VASP: variants seen among roughly 807,000 people sequenced by gnomAD.
VASP encodes vasodilator stimulated phosphoprotein, also known as vasodilator-stimulated phosphoprotein.
A neutral mutation model predicts 54.4 loss-of-function variants in VASP; 27 were observed. The observed-to-expected ratio is 0.50, with a 90% CI of 0.37 to 0.68. The LOEUF is 0.68. VASP is among the 30% of genes least tolerant of loss of function. The pLI is 0.00. For missense variants in VASP, 488 were observed against 528.3 expected (o/e 0.92, Z 0.75); for synonymous variants, 233 against 209.8 (o/e 1.11, Z -0.96).
chr19:45,517,535 C>T, intron 1 of VASP, 128 bp from the exon 2 acceptor site: 2 of 1,184,974 alleles, frequency 1.7e-6, no homozygotes, highest in South Asian at 2.9e-5. Flanking sequence ...TCCTTCTGTC[C>T]ACGTGGCTCC....
At chr19:45,510,272 G>A (rs1337023121) in intron 1 of VASP, among the ~76,000 whole-genome samples, 1 of 152,068 alleles carries the variant, frequency 6.6e-6, no homozygotes, top group African/African-American at 2.4e-5. Flanking sequence ...TGTTGCCCAG[G>A]CTGTTGTGAA....
intron 1 of VASP, among the ~76,000 whole-genome samples, chr19:45,514,688 G>A (rs995960387): frequency 2.0e-5 from 3 of 152,218 alleles, no homozygotes; most frequent in Non-Finnish European, 4.4e-5. Flanking sequence ...GGGCGGGGCA[G>A]CAGCAGCCCC....
At chr19:45,525,515 A>C (rs903229214) in intron 11 of VASP, among the ~76,000 whole-genome samples, 1 of 152,182 alleles carries the variant, frequency 6.6e-6, no homozygotes, top group Non-Finnish European at 1.5e-5. Flanking sequence ...CCTGGCCAAC[A>C]TGGCGAAACC....
At chr19:45,508,239 G>A (rs1214829848) in intron 1 of VASP, among the ~76,000 whole-genome samples, 1 of 152,166 alleles carries the variant, frequency 6.6e-6, no homozygotes, top group Admixed American at 6.5e-5. Flanking sequence ...CAGGTCCCCC[G>A]TTTACTTGGT....
rs144688496 is a variant in VASP, at chr19:45,511,056, C to T, written c.5+3280C>T. Among the ~76,000 whole-genome samples the T allele has an allele frequency of 4.0e-4, 61 of 151,848 alleles. No individual in the cohort carries two copies. The East Asian group carries it at 0.011, about 27-fold the overall frequency. The stretch of plus-strand genomic sequence containing the variant: ...ATAATTCAGATAAGCCAAATGAAAC[C>T]GAAGCTGCAACATTTATCTTCCTAT... On this transcript the variant is annotated intron_variant, in intron 1 of 12. Transcript: ENST00000245932.
chr19:45,514,073 T>A (rs967381004), intron 1 of VASP, among the ~76,000 whole-genome samples: 3 of 152,058 alleles, frequency 2.0e-5, no homozygotes, highest in Non-Finnish European at 4.4e-5. Flanking sequence ...CGTTTCCAGC[T>A]AAGGGAGTGA....
At chr19:45,519,100 C>T (rs973460999) in intron 3 of VASP, among the ~76,000 whole-genome samples, 1 of 152,184 alleles carries the variant, frequency 6.6e-6, no homozygotes, top group African/African-American at 2.4e-5. Context: ...CTGCAACCTC[C>T]GCCTCCCGGG....
chr19:45,514,905 C>T (rs1301214337), intron 1 of VASP, among the ~76,000 whole-genome samples: 1 of 152,194 alleles, frequency 6.6e-6, no homozygotes, highest in Non-Finnish European at 1.5e-5. Flanking sequence ...TCACTCTATT[C>T]CTCAGTAGCT....
In VASP at chr19:45,522,554, TGGAGCCAAACTCA is replaced by T; in HGVS notation, c.697_709del (p.Ala233LysfsTer31). 1 of 1,460,180 alleles carries T rather than the reference TGGAGCCAAACTCA, an allele frequency of 6.8e-7. No individual in the cohort carries two copies. Among genetic ancestry groups the T allele is most frequent in the Non-Finnish European group, 9.0e-7 (1 of 1,111,970 alleles). The allele number at this position is 1,460,180 out of a possible 1,614,324, so 90.5% of individuals were successfully genotyped here. On this transcript the variant is annotated frameshift_variant, in exon 6 of 13. Coordinates refer to ENST00000245932, the MANE Select transcript of VASP (RefSeq NM_003370.4). LOFTEE classifies it high-confidence loss of function. ...CCCCAGGCCTGGCCGCAGCTATTGC[TGGAGCCAAACTCA>T]GGAAAGTCAGCAAGGTGAGGGGCCG...
rs57892194 is a variant in VASP, at chr19:45,519,894, C to CTTTTTTT, written c.344-1406_344-1400dup. On this transcript the variant is annotated intron_variant, in intron 3 of 12. Transcript: ENST00000245932. Reference sequence around the variant, plus strand: ...ACAGGCGTGAGCCACTGCGCCCGGCCTTTTTTTTTTTTTTTTTTTTTTTTT... The same window carrying CTTTTTTT: ...ACAGGCGTGAGCCACTGCGCCCGGCCTTTTTTTTTTTTTTTTTTTTTTTTTTTTTTTT... Among the ~76,000 whole-genome samples the CTTTTTTT allele has an allele frequency of 3.9e-4, 20 of 50,990 alleles. 5 individuals carry two copies. Among genetic ancestry groups the CTTTTTTT allele is most frequent in the South Asian group, 1.8e-3 (2 of 1,130 alleles). 33.5% of individuals were successfully genotyped at this position (50,990 alleles called of 152,430 possible).
intron 1 of VASP, among the ~76,000 whole-genome samples, chr19:45,516,326 C>G (rs1289122061): frequency 6.6e-6 from 1 of 152,230 alleles, no homozygotes; most frequent in African/African-American, 2.4e-5. Flanking sequence ...CCGCTAGTGC[C>G]CTGGGGAGCC....
Position 45,526,264 on chromosome 19 carries a change from G to T in VASP, c.*87G>T, listed in dbSNP as rs1968967066. ...CCTGCCTCTACTTGACTTGGAATTG[G>T]CTGAAGACTACACAGGAATGCATCG... On this transcript the variant is annotated 3_prime_UTR_variant, in exon 13 of 13. Coordinates refer to ENST00000245932, the MANE Select transcript of VASP (RefSeq NM_003370.4). 8 of 1,481,854 alleles carry T rather than the reference G, an allele frequency of 5.4e-6. No individual in the cohort carries two copies. In the Admixed American group the frequency reaches 1.9e-4, roughly 35 times the overall value. The allele number at this position is 1,481,854 out of a possible 1,614,324, so 91.8% of individuals were successfully genotyped here. A position where few individuals can be genotyped will look rare whatever the true frequency, so the allele number is the denominator to read the frequency against.
intron 9 of VASP, 92 bp from the exon 10 acceptor site, chr19:45,524,005 C>A (rs983543625): frequency 1.9e-6 from 3 of 1,609,438 alleles, no homozygotes; most frequent in South Asian, 2.2e-5. Context: ...TGAGATGGGG[C>A]TTTGATCAGG....
chr19:45,525,252 T>C (rs751040741), intron 11 of VASP, among the ~76,000 whole-genome samples: 8 of 151,960 alleles, frequency 5.3e-5, no homozygotes, highest in Admixed American at 3.9e-4. Context: ...CCCCCATCTC[T>C]AAAAATAACT....
At chr19:45,511,044 G>A (rs1270449480) in intron 1 of VASP, among the ~76,000 whole-genome samples, 1 of 150,990 alleles carries the variant, frequency 6.6e-6, no homozygotes, top group Non-Finnish European at 1.5e-5. Flanking sequence ...ATTCAGATAA[G>A]CCAAATGAAA....
At chr19:45,511,743 G>A (rs1044733494) in intron 1 of VASP, among the ~76,000 whole-genome samples, 3 of 152,138 alleles carry the variant, frequency 2.0e-5, no homozygotes, top group Non-Finnish European at 4.4e-5. Context: ...GGTTTTTATA[G>A]GTAATTTCAA....
chr19:45,517,019 G>A (rs1335001182), intron 1 of VASP, among the ~76,000 whole-genome samples: 2 of 147,502 alleles, frequency 1.4e-5, no homozygotes, highest in Non-Finnish European at 3.0e-5. Context: ...TTAGTCGGGT[G>A]TGGTGGTGCA....
At position 45,517,931 on chromosome 19, in the gene VASP, G is replaced by A. The variant is rs1320183341; in HGVS notation, c.180G>A (p.Val60=). 4 of 1,612,830 alleles carry A rather than the reference G, an allele frequency of 2.5e-6. No homozygotes were observed. Among genetic ancestry groups the A allele is most frequent in the Non-Finnish European group, 3.4e-6 (4 of 1,179,698 alleles). Residue 60 remains valine, a splice_region_variant and synonymous_variant, in exon 3 of 13, where the codon GTG becomes GTA. Transcript: ENST00000245932. ...VGRKMQPDQQ[V]VINCAIVRGV... ...ACCCCCCTTTCCCCTCCCACCAGGT[G>A]GTCATCAACTGTGCCATCGTCCGGG...
chr19:45,525,814 A>G, intron 11 of VASP, 132 bp from the exon 12 acceptor site: 1 of 823,716 alleles, frequency 1.2e-6, no homozygotes, highest in Non-Finnish European at 1.9e-6. Context: ...GGCTGCAATG[A>G]GCTGTGATCA....
Sources: gnomAD v4.1 joint callset for allele counts (sites outside exome capture counted in the v4.1 genomes callset) on GRCh38, gnomAD v4.1.1 for gene constraint, MANE v1.5 for transcripts, NCBI Gene and HGNC (gene_info 2026-07-23, HGNC 2026-07-21) for gene names.